NID2: variants seen among roughly 807,000 people sequenced by gnomAD.
The protein encoded by NID2 is nidogen-2.
A neutral mutation model predicts 145.4 loss-of-function variants in NID2; 83 were observed. The observed-to-expected ratio is 0.57, with a 90% CI of 0.48 to 0.69. The LOEUF is 0.69. NID2 is among the 30% of genes least tolerant of loss of function. The pLI, the probability that NID2 is intolerant of heterozygous loss-of-function variation, is 0.00. For synonymous variants in NID2, 739 were observed against 701.3 expected (o/e 1.05, Z -0.85); for missense variants, 1,807 against 1,765.7 (o/e 1.02, Z -0.42).
rs1566755723 is a variant in NID2, at chr14:52,030,582, GAAA to G, written c.2258-895_2258-893del. 7.0e-3 allele frequency among the ~76,000 whole-genome samples: 23 copies of G among 3,302 alleles called. 1 individual carries two copies. Among genetic ancestry groups the G allele is most frequent in the South Asian group, 0.042 (3 of 72 alleles). The allele number at this position is 3,302 out of a possible 152,430, so 2.2% of individuals were successfully genotyped here. ...AAAGAAAGAAAGGAAGGAAGGGAAAGAAAGAAAGAAAGAAAGAAAGAAAGAGAA... is the reference window on the plus strand; with the variant it reads ...AAAGAAAGAAAGGAAGGAAGGGAAAGGAAAGAAAGAAAGAAAGAAAGAGAA... On this transcript the variant is annotated intron_variant, in intron 9 of 21. Transcript: ENST00000216286.
chr14:52,047,424 T>C (rs1892541108), intron 5 of NID2, among the ~76,000 whole-genome samples: 1 of 151,836 alleles, frequency 6.6e-6, no homozygotes, highest in South Asian at 2.1e-4. Flanking sequence ...GTGGGAGGGA[T>C]GGTGAGAGAA....
At chr14:52,027,697 C>G (rs576161580) in intron 11 of NID2, among the ~76,000 whole-genome samples, 4 of 150,942 alleles carry the variant, frequency 2.7e-5, no homozygotes, top group African/African-American at 9.7e-5. Context: ...TTACCCTCAT[C>G]CCACTGAATT....
In NID2 at chr14:52,053,873, A is replaced by C; in HGVS notation, c.1135T>G (p.Leu379Val). 6.2e-7 allele frequency: 1 copy of C among 1,614,012 alleles called. No homozygotes were observed. The highest frequency in any genetic ancestry group is 1.1e-5 in the South Asian group (1 of 91,064). Residue 379 changes from leucine to valine, a missense_variant, in exon 5 of 22, where the codon TTA (leucine) becomes GTA (valine). Physicochemically the swap from Leu to Val is conservative, Grantham distance 32 (BLOSUM62 1). Coordinates refer to ENST00000216286, the MANE Select transcript of NID2 (RefSeq NM_007361.4). Reference sequence around the variant, plus strand: ...TCCCAGGGCTCAACTTGGCCTTTTAAATCTGGGCCCCCTACCTCTCCCAGA... The same window carrying C: ...TCCCAGGGCTCAACTTGGCCTTTTACATCTGGGCCCCCTACCTCTCCCAGA... ...TSLGEVGGPD[L>V]KGQVEPWDER... is the part of the protein sequence containing the mutation.
At chr14:52,036,052 A>G (rs1471271685) in intron 9 of NID2, among the ~76,000 whole-genome samples, 2 of 151,798 alleles carry the variant, frequency 1.3e-5, no homozygotes, top group African/African-American at 2.4e-5. Context: ...TCATCCGTTT[A>G]AAGTACATAA....
intron 9 of NID2, among the ~76,000 whole-genome samples, chr14:52,035,878 A>ATATATATATATATTTATATT (rs58318209): frequency 7.4e-6 from 1 of 135,196 alleles, no homozygotes; most frequent in African/African-American, 2.8e-5. Context: ...ATATATATAT[A>ATATATATATATATTTATATT]TGTTTTATTT....
At chr14:52,043,793 CG>C (rs1006859160) in intron 5 of NID2, among the ~76,000 whole-genome samples, 14 of 147,306 alleles carry the variant, frequency 9.5e-5, no homozygotes, top group Non-Finnish European at 2.0e-4. Context: ...TAGGGTGTGG[CG>C]GGGGTTGTGG....
Position 52,007,933 on chromosome 14 carries a change from G to A in NID2, c.3757C>T (p.Pro1253Ser). ...LYWTDWNREA[P>S]KIETSSLDGE... ...TCTAAAGATGACGTTTCAATTTTAG[G>A]AGCTTCTCTATTCCAGTCTGTCCAG... The change falls in exon 19 of 22, where the codon CCT becomes TCT. Residue 1253 changes from proline to serine, a missense_variant. By Grantham distance (74) the Pro-to-Ser change is moderately conservative (BLOSUM62 -1). Coordinates refer to ENST00000216286, the MANE Select transcript of NID2 (RefSeq NM_007361.4). 4 of 1,613,424 alleles carry A rather than the reference G, an allele frequency of 2.5e-6. No individual in the cohort carries two copies. Among genetic ancestry groups the A allele is most frequent in the Non-Finnish European group, 3.4e-6 (4 of 1,179,788 alleles).
chr14:52,026,384 C>G (rs1480668864), intron 12 of NID2, among the ~76,000 whole-genome samples: 2 of 152,214 alleles, frequency 1.3e-5, no homozygotes, highest in Non-Finnish European at 2.9e-5. Context: ...TGTTCCCCAG[C>G]AGGCCCTTTC....
At chr14:52,064,892 T>C (rs1363248704) in intron 2 of NID2, among the ~76,000 whole-genome samples, 1 of 152,118 alleles carries the variant, frequency 6.6e-6, no homozygotes, top group Non-Finnish European at 1.5e-5. Flanking sequence ...AACTCAGCTG[T>C]CTCTAACCCC....
At chr14:52,044,093 A>G (rs1892388006) in intron 5 of NID2, among the ~76,000 whole-genome samples, 1 of 152,156 alleles carries the variant, frequency 6.6e-6, no homozygotes, top group South Asian at 2.1e-4. Context: ...GAAGAAATCC[A>G]AAGATCAATC....
chr14:52,066,734 G>A (rs982046785), intron 2 of NID2, among the ~76,000 whole-genome samples: 14 of 152,274 alleles, frequency 9.2e-5, no homozygotes, highest in South Asian at 2.1e-4. Flanking sequence ...AAGCATTTCC[G>A]TAAGTTAAAA....
rs1337322147 is a variant in NID2, at chr14:52,019,200, G to A, written c.2889C>T (p.Cys963=). Residue 963 remains cysteine (C), a synonymous_variant, in exon 14 of 22, where the codon TGC becomes TGT. Coordinates refer to ENST00000216286, the MANE Select transcript of NID2 (RefSeq NM_007361.4). ...YPGARFHIPQ[C]DEQGNFLPLQ... is the part of the protein sequence containing the mutation. Reference sequence around the variant, plus strand: ...GGGGCAGGAAGTTGCCCTGCTCGTCGCATTGGGGGATGTGGAACCGGGCCC... The same window carrying A: ...GGGGCAGGAAGTTGCCCTGCTCGTCACATTGGGGGATGTGGAACCGGGCCC... The A allele has an allele frequency of 2.8e-5, 45 of 1,613,716 alleles. No homozygotes were observed. Among genetic ancestry groups the A allele is most frequent in the African/African-American group, 4.0e-5 (3 of 74,926 alleles).
chr14:52,025,163 T>C (rs1478399897), intron 12 of NID2, among the ~76,000 whole-genome samples: 1 of 152,194 alleles, frequency 6.6e-6, no homozygotes, highest in East Asian at 1.9e-4. Context: ...AACGATGTGT[T>C]CCACACGAAG....
intron 18 of NID2, chr14:52,010,074 T>C (rs1890951793): frequency 6.6e-6 from 1 of 152,194 alleles, no homozygotes; most frequent in Non-Finnish European, 1.5e-5. Context: ...TTAAGAGGGC[T>C]ATTAATTCCT....
At chr14:52,018,982 C>A in intron 14 of NID2, 79 bp downstream of exon 14, 1 of 1,066,568 alleles carries the variant, frequency 9.4e-7, no homozygotes, top group East Asian at 2.6e-5. Context: ...TGGCCCCGTG[C>A]CTGCGTGGTC....
chr14:52,043,387 A>T (rs1892357450), intron 5 of NID2, among the ~76,000 whole-genome samples: 1 of 152,210 alleles, frequency 6.6e-6, no homozygotes, highest in African/African-American at 2.4e-5. Context: ...ACTGAACTTA[A>T]AAAAGATAAT....
chr14:52,041,740 G>A (rs2140401912), intron 7 of NID2, among the ~76,000 whole-genome samples: 1 of 152,284 alleles, frequency 6.6e-6, no homozygotes, highest in Non-Finnish European at 1.5e-5. Context: ...TCCCCATGAA[G>A]TAAAATCATC....
chr14:52,058,649 A>T (rs1378355816), intron 3 of NID2, among the ~76,000 whole-genome samples: 1 of 152,040 alleles, frequency 6.6e-6, no homozygotes, highest in Non-Finnish European at 1.5e-5. Flanking sequence ...GCTTTTTCCC[A>T]CAGGTCTTTT....
intron 9 of NID2, among the ~76,000 whole-genome samples, chr14:52,030,555 A>C (rs1324762567): frequency 1.4e-5 from 1 of 71,526 alleles, no homozygotes; most frequent in Admixed American, 1.6e-4. Flanking sequence ...AAAGAAAGAA[A>C]GAAAGAAAGA....
Sources: gnomAD v4.1 joint callset for allele counts (sites outside exome capture counted in the v4.1 genomes callset) on GRCh38, gnomAD v4.1.1 for gene constraint, MANE v1.5 for transcripts, NCBI Gene and HGNC (gene_info 2026-07-23, HGNC 2026-07-21) for gene names.